The following SENP5 variants were observed in gnomAD, a reference collection of about 807,000 sequenced individuals.
SENP5 encodes sentrin-specific protease 5.
Under a neutral mutation model 74.2 loss-of-function variants are expected in SENP5, and 21 were observed. The observed-to-expected ratio is 0.28, with a 90% CI of 0.20 to 0.41. The LOEUF is 0.41. SENP5 is among the 10% of genes least tolerant of loss of function. SENP5 has a pLI of 1.00. For synonymous variants in SENP5, 311 were observed against 312.7 expected (o/e 0.99, Z 0.06); for missense variants, 717 against 889.1 (o/e 0.81, Z 2.46).
At chr3:196,928,379 G>C (rs1715894806) in intron 8 of SENP5, among the ~76,000 whole-genome samples, 1 of 152,228 alleles carries the variant, frequency 6.6e-6, no homozygotes, top group African/African-American at 2.4e-5. Context: ...AGAGTGCCCA[G>C]GCACAGCCGC....
At chr3:196,876,497 G>T (rs980478814) in intron 1 of SENP5, among the ~76,000 whole-genome samples, 13 of 143,656 alleles carry the variant, frequency 9.0e-5, no homozygotes, top group African/African-American at 3.4e-4. Flanking sequence ...CAGCCTGGGC[G>T]ACAGAGCGAG....
chr3:196,928,388 G>A (rs1189309222), intron 8 of SENP5, among the ~76,000 whole-genome samples: 3 of 152,198 alleles, frequency 2.0e-5, no homozygotes, highest in Non-Finnish European at 2.9e-5. Flanking sequence ...AGGCACAGCC[G>A]CTCATTCCTG....
chr3:196,929,495 T>C (rs1226911717), intron 8 of SENP5, 138 bp from the exon 9 acceptor site: 1 of 567,612 alleles, frequency 1.8e-6, no homozygotes, highest in Non-Finnish European at 3.1e-6. Flanking sequence ...AATTAGATGC[T>C]TGAGATATCA....
At chr3:196,909,446 CAG>C (rs981897541) in intron 6 of SENP5, among the ~76,000 whole-genome samples, 5 of 152,110 alleles carry the variant, frequency 3.3e-5, no homozygotes, top group Admixed American at 1.3e-4. Context: ...CAAAACCTGG[CAG>C]AGACACAAAA....
At chr3:196,875,289 C>G (rs777021051) in intron 1 of SENP5, among the ~76,000 whole-genome samples, 7 of 152,188 alleles carry the variant, frequency 4.6e-5, no homozygotes, top group Non-Finnish European at 8.8e-5. Context: ...GCTACATCCT[C>G]CCAGTTTTTC....
rs536334464 is a variant in SENP5 at position 196,933,381 on chromosome 3, G to C, written c.*2458G>C. The C allele has an allele frequency of 2.6e-5, 4 of 152,160 alleles. No homozygotes were observed. Among genetic ancestry groups the C allele is most frequent in the African/African-American group, 9.7e-5 (4 of 41,436 alleles). The allele number at this position is 152,160 out of a possible 1,614,324, so 9.4% of individuals were successfully genotyped here. A position where few individuals can be genotyped will look rare whatever the true frequency, so the allele number is the denominator to read the frequency against. On this transcript the variant is annotated 3_prime_UTR_variant, in exon 10 of 10. Coordinates refer to ENST00000323460, the MANE Select transcript of SENP5 (RefSeq NM_152699.5). ...TTGATGAAACTTGGTTTCAGCACAC[G>C]TAATTGCTTTCCCTCTCTTCTTGTG...
chr3:196,904,907 C>G (rs1036620449), intron 6 of SENP5: 3 of 152,052 alleles, frequency 2.0e-5, no homozygotes, highest in African/African-American at 7.2e-5. Flanking sequence ...AACATTGATT[C>G]ATTCATTCAT....
chr3:196,894,340 C>G (rs1714349851), intron 2 of SENP5, among the ~76,000 whole-genome samples: 1 of 151,754 alleles, frequency 6.6e-6, no homozygotes, highest in African/African-American at 2.4e-5. Flanking sequence ...TCAGGCTTGT[C>G]TCAAACTCCC....
chr3:196,901,447 C>T (rs183946558), intron 5 of SENP5, among the ~76,000 whole-genome samples: 267 of 152,228 alleles, frequency 1.8e-3, no homozygotes, highest in African/African-American at 6.0e-3. Context: ...AGTTCAAATA[C>T]AGATTGAACC....
At chr3:196,887,573 T>G (rs1324257660) in intron 2 of SENP5, among the ~76,000 whole-genome samples, 2 of 151,844 alleles carry the variant, frequency 1.3e-5, no homozygotes, top group Non-Finnish European at 2.9e-5. Flanking sequence ...TTCCTAAGAA[T>G]GTAGCAATGA....
At chr3:196,878,785 T>G in intron 1 of SENP5, among the ~76,000 whole-genome samples, 1 of 152,042 alleles carries the variant, frequency 6.6e-6, no homozygotes, top group South Asian at 2.1e-4. Context: ...AGAGACAAGG[T>G]TTCACCACGT....
chr3:196,889,344 A>G (rs968155895), intron 2 of SENP5, among the ~76,000 whole-genome samples: 4 of 152,168 alleles, frequency 2.6e-5, no homozygotes, highest in Non-Finnish European at 5.9e-5. Context: ...TAGATGTAAC[A>G]CTTTCAAGTA....
intron 1 of SENP5, among the ~76,000 whole-genome samples, chr3:196,869,700 G>A (rs1713120905): frequency 7.0e-6 from 1 of 142,868 alleles, no homozygotes; most frequent in Non-Finnish European, 1.5e-5. Context: ...GCGAGGTTGT[G>A]GTGAGCTGAG....
chr3:196,902,503 T>C (rs1714740239), intron 5 of SENP5, among the ~76,000 whole-genome samples: 1 of 152,232 alleles, frequency 6.6e-6, no homozygotes, highest in African/African-American at 2.4e-5. Flanking sequence ...GAAAGGTTTA[T>C]AAAACCAGAT....
chr3:196,899,947 TAACA>T lies in SENP5; in HGVS notation c.1647_1650del (p.Asn550IlefsTer33). The T allele has an allele frequency of 6.2e-7, 1 of 1,613,850 alleles. No individual in the cohort carries two copies. Among genetic ancestry groups the T allele is most frequent in the Non-Finnish European group, 8.5e-7 (1 of 1,179,942 alleles). On this transcript the variant is annotated frameshift_variant, in exon 4 of 10. Transcript: ENST00000323460. LOFTEE classifies it high-confidence loss of function. Reference sequence around the variant, plus strand: ...AGAAAACCATTTATCAATAGGGAAATAACAAACTATCGGGCCAGACATCAAAAAT... The same window carrying T: ...AGAAAACCATTTATCAATAGGGAAATAACTATCGGGCCAGACATCAAAAAT...
chr3:196,875,367 C>A (rs1169088544), intron 1 of SENP5, among the ~76,000 whole-genome samples: 1 of 152,168 alleles, frequency 6.6e-6, no homozygotes, highest in Non-Finnish European at 1.5e-5. Flanking sequence ...TAATGGGTTT[C>A]TTCTGCTGTG....
rs537368327 is a variant in SENP5, at chr3:196,906,216, T to TA, written c.1884+2615dup. Among the ~76,000 whole-genome samples the TA allele has an allele frequency of 4.2e-3, 628 of 150,370 alleles. 3 individuals are homozygous for TA. Among genetic ancestry groups the TA allele is most frequent in the Non-Finnish European group, 6.6e-3 (446 of 67,588 alleles). ...GCCTGGGTGACAGAGCAAGACTTTCTAAAAAAAAAGAAAAAAAGACATCAG... is the reference window on the plus strand; with the variant it reads ...GCCTGGGTGACAGAGCAAGACTTTCTAAAAAAAAAAGAAAAAAAGACATCAG... On this transcript the variant is annotated intron_variant, in intron 6 of 9. Coordinates refer to ENST00000323460, the MANE Select transcript of SENP5 (RefSeq NM_152699.5).
chr3:196,919,482 AAAC>A (rs1032494796), intron 6 of SENP5, among the ~76,000 whole-genome samples: 7 of 152,162 alleles, frequency 4.6e-5, no homozygotes, highest in African/African-American at 1.7e-4. Flanking sequence ...CTCCATCTCA[AAAC>A]AAACAAATGA....
In SENP5 at chr3:196,930,892, A is replaced by G. The variant is rs1716011744; in HGVS notation, c.2237A>G (p.Lys746Arg). Residue 746 changes from lysine (K) to arginine (R), a missense_variant, in exon 10 of 10, where the codon AAG becomes AGG. Transcript: ENST00000323460. ...CCCCGAGTGCGGAAGAGGATTTACAAGGAGCTATGTGAGTGCCGGCTCATG... is the reference window on the plus strand; with the variant it reads ...CCCCGAGTGCGGAAGAGGATTTACAGGGAGCTATGTGAGTGCCGGCTCATG... ...DMPRVRKRIY[K>R]ELCECRLMD 1.2e-6 allele frequency: 2 copies of G among 1,613,928 alleles called. No individual in the cohort carries two copies. Among genetic ancestry groups the G allele is most frequent in the South Asian group, 1.1e-5 (1 of 91,078 alleles).
Sources: gnomAD v4.1 joint callset for allele counts (sites outside exome capture counted in the v4.1 genomes callset) on GRCh38, gnomAD v4.1.1 for gene constraint, MANE v1.5 for transcripts, NCBI Gene and HGNC (gene_info 2026-07-23, HGNC 2026-07-21) for gene names.